The following PIBF1 variants were observed in gnomAD, a reference collection of about 807,000 sequenced individuals.
PIBF1 encodes progesterone immunomodulatory binding factor 1, also known as progesterone-induced-blocking factor 1.
A neutral mutation model predicts 112.5 loss-of-function variants in PIBF1; 90 were observed. The ratio of observed to expected loss-of-function variants is 0.80; its 90% CI spans 0.67 to 0.95. The LOEUF (loss-of-function observed/expected upper bound fraction) is 0.95, where lower values mean the gene tolerates loss of function less well. Ranked by LOEUF, PIBF1 falls within the 40% of genes least tolerant of loss-of-function variation. The pLI is 0.00. For synonymous variants in PIBF1, 301 were observed against 288.6 expected (o/e 1.04, Z -0.44); for missense variants, 915 against 852.3 (o/e 1.07, Z -0.92).
intron 14 of PIBF1, among the ~76,000 whole-genome samples, chr13:72,953,198 C>G (rs1043206209): frequency 6.6e-6 from 1 of 152,206 alleles, no homozygotes; most frequent in Non-Finnish European, 1.5e-5. Flanking sequence ...AAAGGCATCT[C>G]TTTTCATCTG....
intron 6 of PIBF1, among the ~76,000 whole-genome samples, chr13:72,822,731 T>G (rs1012230029): frequency 5.3e-5 from 8 of 152,256 alleles, no homozygotes; most frequent in African/African-American, 1.9e-4. Context: ...ATTGTGTAAT[T>G]TAAATTACAA....
intron 6 of PIBF1, among the ~76,000 whole-genome samples, chr13:72,826,283 T>C (rs1468145436): frequency 6.6e-6 from 1 of 152,168 alleles, no homozygotes; most frequent in Non-Finnish European, 1.5e-5. Flanking sequence ...TAATATTTTG[T>C]TAACTAGAAG....
intron 2 of PIBF1, among the ~76,000 whole-genome samples, chr13:72,785,782 G>C (rs2034567171): frequency 6.6e-6 from 1 of 152,130 alleles, no homozygotes; most frequent in Non-Finnish European, 1.5e-5. Flanking sequence ...CAGTCAACAA[G>C]TATTTTTTTA....
intron 10 of PIBF1, among the ~76,000 whole-genome samples, chr13:72,854,965 G>T (rs551858703): frequency 5.4e-4 from 82 of 152,026 alleles, no homozygotes; most frequent in African/African-American, 1.9e-3. Flanking sequence ...GGGCATTATG[G>T]TAAATATCAT....
intron 13 of PIBF1, among the ~76,000 whole-genome samples, chr13:72,928,829 C>T (rs1566459817): frequency 1.3e-5 from 2 of 152,120 alleles, no homozygotes; most frequent in Non-Finnish European, 2.9e-5. Flanking sequence ...ATAGAATTCC[C>T]AAACAAAATA....
chr13:72,782,474 G>A (rs1452686040), intron 1 of PIBF1, 125 bp downstream of exon 1: 1 of 152,160 alleles, frequency 6.6e-6, no homozygotes, highest in Non-Finnish European at 1.5e-5. Context: ...CTTTGTAATC[G>A]AGGAGAGAAT....
chr13:72,888,250 G>T (rs1477118256), intron 10 of PIBF1, among the ~76,000 whole-genome samples: 1 of 151,992 alleles, frequency 6.6e-6, no homozygotes, highest in Non-Finnish European at 1.5e-5. Flanking sequence ...TTTGAAGGAG[G>T]TTTAATAACA....
intron 10 of PIBF1, among the ~76,000 whole-genome samples, chr13:72,892,800 ACACACACACG>A (rs1160681065): frequency 1.3e-5 from 2 of 150,978 alleles, no homozygotes; most frequent in African/African-American, 2.4e-5. Context: ...ACACACACAC[ACACACACACG>A]CACACGCACA....
At chr13:73,001,225 C>A (rs918238928) in intron 17 of PIBF1, among the ~76,000 whole-genome samples, 3 of 152,100 alleles carry the variant, frequency 2.0e-5, no homozygotes, top group African/African-American at 7.2e-5. Context: ...CTTCAGGCAT[C>A]ATAATTTTTA....
intron 10 of PIBF1, among the ~76,000 whole-genome samples, chr13:72,879,220 A>C (rs1300032410): frequency 6.6e-6 from 1 of 152,026 alleles, no homozygotes; most frequent in African/African-American, 2.4e-5. Flanking sequence ...GTTGTTGGGC[A>C]CATAAATGTT....
chr13:73,015,180 T>TG (rs371282831), intron 17 of PIBF1, among the ~76,000 whole-genome samples: 12 of 152,176 alleles, frequency 7.9e-5, no homozygotes, highest in African/African-American at 2.6e-4. Flanking sequence ...TTCGTGGAGA[T>TG]GGGGTCTCAC....
chr13:72,826,056 T>A (rs896813739), intron 6 of PIBF1, among the ~76,000 whole-genome samples: 17 of 147,584 alleles, frequency 1.2e-4, no homozygotes, highest in Admixed American at 4.7e-4. Flanking sequence ...AAAAAAAAAA[T>A]TTAAAAAAAA....
chr13:72,969,034 AAAAAAT>A (rs918702928), intron 15 of PIBF1, among the ~76,000 whole-genome samples: 6 of 152,088 alleles, frequency 3.9e-5, no homozygotes, highest in East Asian at 1.9e-4. Context: ...TGTCTCAAAA[AAAAAAT>A]AAAAATAAAA....
chr13:72,851,056 T>C (rs949170505), intron 9 of PIBF1, among the ~76,000 whole-genome samples: 11 of 152,202 alleles, frequency 7.2e-5, no homozygotes, highest in Admixed American at 2.0e-4. Flanking sequence ...TTGTTGTTAA[T>C]ATTGATGGCA....
intron 16 of PIBF1, among the ~76,000 whole-genome samples, chr13:72,996,888 C>G (rs2043691837): frequency 6.6e-6 from 1 of 152,098 alleles, no homozygotes; most frequent in South Asian, 2.1e-4. Context: ...ATTTGGGTAC[C>G]CACTGTAGCT....
chr13:73,000,811 T>C (rs1299001382), intron 17 of PIBF1, among the ~76,000 whole-genome samples: 2 of 152,322 alleles, frequency 1.3e-5, no homozygotes, highest in Admixed American at 1.3e-4. Flanking sequence ...AATCAATCAG[T>C]ACATGAGTAA....
intron 14 of PIBF1, among the ~76,000 whole-genome samples, chr13:72,955,709 A>G: frequency 6.6e-6 from 1 of 152,188 alleles, no homozygotes; most frequent in East Asian, 1.9e-4. Context: ...AAGAAGTTGC[A>G]AACACTTGAA....
chr13:72,941,429 A>G (rs1235224819), intron 14 of PIBF1, among the ~76,000 whole-genome samples: 1 of 152,178 alleles, frequency 6.6e-6, no homozygotes, highest in Non-Finnish European at 1.5e-5. Context: ...AAACCTTGAT[A>G]TATGCTCTCC....
At chr13:72,805,037 A>C (rs1374509651) in intron 5 of PIBF1, among the ~76,000 whole-genome samples, 1 of 152,130 alleles carries the variant, frequency 6.6e-6, no homozygotes, top group Non-Finnish European at 1.5e-5. Flanking sequence ...GCAGTGGTAC[A>C]GTCTCGGCTC....
Sources: allele counts gnomAD v4.1 joint callset (sites outside exome capture counted in the v4.1 genomes callset), GRCh38; gene constraint gnomAD v4.1.1; transcripts MANE v1.5; gene names NCBI Gene and HGNC (gene_info 2026-07-23, HGNC 2026-07-21).